The following DOCK3 variants were observed in gnomAD, a reference collection of about 807,000 sequenced individuals.
DOCK3 encodes dedicator of cytokinesis 3, also known as dedicator of cytokinesis protein 3.
A neutral mutation model predicts 265.6 loss-of-function variants in DOCK3; 60 were observed. The ratio of observed to expected loss-of-function variants is 0.23; its 90% confidence interval spans 0.18 to 0.28. The LOEUF is 0.28. Among genes scored for constraint, DOCK3 ranks in the 10% least tolerant of loss-of-function variants. The pLI, the probability that DOCK3 is intolerant of heterozygous loss-of-function variation, is 1.00. For missense variants in DOCK3, 1,981 were observed against 2,594.3 expected (o/e 0.76, Z 5.14); for synonymous variants, 881 against 938.0 (o/e 0.94, Z 1.11).
intron 3 of DOCK3, among the ~76,000 whole-genome samples, chr3:50,862,007 G>C (rs1379924686): frequency 6.6e-6 from 1 of 152,114 alleles, no homozygotes; most frequent in Non-Finnish European, 1.5e-5. Flanking sequence ...TTGTATAATT[G>C]CTTCATATGA....
intron 1 of DOCK3, among the ~76,000 whole-genome samples, chr3:50,731,708 G>T (rs1415144868): frequency 6.6e-6 from 1 of 152,094 alleles, no homozygotes; most frequent in Admixed American, 6.6e-5. Context: ...AGAATGGAAA[G>T]AACCTCCTCA....
chr3:51,225,799 G>C (rs1419052337), intron 15 of DOCK3, 26 bp downstream of exon 15: 1 of 1,601,374 alleles, frequency 6.2e-7, no homozygotes, highest in African/African-American at 1.3e-5. Context: ...CAGTCATTTG[G>C]GTTGGAGGAT....
At chr3:50,759,874 C>G (rs1208067433) in intron 1 of DOCK3, among the ~76,000 whole-genome samples, 2 of 148,022 alleles carry the variant, frequency 1.4e-5, no homozygotes, top group Admixed American at 1.4e-4. Flanking sequence ...AAAAAAAAAT[C>G]TGTTTGTTTG....
At chr3:51,293,120 A>C (rs1197710151) in intron 27 of DOCK3, among the ~76,000 whole-genome samples, 1 of 152,206 alleles carries the variant, frequency 6.6e-6, no homozygotes, top group East Asian at 1.9e-4. Flanking sequence ...AAATAGAAAA[A>C]AACAATCCTA....
chr3:50,945,348 TTAATA>T (rs986839475), intron 5 of DOCK3, among the ~76,000 whole-genome samples: 1 of 152,210 alleles, frequency 6.6e-6, no homozygotes, highest in Non-Finnish European at 1.5e-5. Context: ...GAAACATACT[TTAATA>T]TAATACTTTA....
intron 22 of DOCK3, among the ~76,000 whole-genome samples, chr3:51,256,600 T>G (rs1356561739): frequency 3.3e-5 from 5 of 150,474 alleles, no homozygotes; most frequent in South Asian, 2.1e-4. Flanking sequence ...TTTGTTTTTT[T>G]TTTTTTTTTT....
At chr3:50,894,291 A>G (rs1378014487) in intron 4 of DOCK3, among the ~76,000 whole-genome samples, 1 of 152,070 alleles carries the variant, frequency 6.6e-6, no homozygotes, top group Non-Finnish European at 1.5e-5. Flanking sequence ...AAAACCTTGT[A>G]GGCCAGAAGG....
chr3:50,880,520 A>G, intron 3 of DOCK3: 1 of 197,790 alleles, frequency 5.1e-6, no homozygotes. Flanking sequence ...TGAGCTAGAA[A>G]ATCTAGAAGA....
At chr3:51,160,329 G>C (rs1016894164) in intron 11 of DOCK3, among the ~76,000 whole-genome samples, 1 of 152,218 alleles carries the variant, frequency 6.6e-6, no homozygotes, top group Non-Finnish European at 1.5e-5. Flanking sequence ...TTTAGAGTTA[G>C]ATAAGAATGA....
At chr3:51,288,026 A>G (rs2081508238) in intron 27 of DOCK3, among the ~76,000 whole-genome samples, 1 of 152,332 alleles carries the variant, frequency 6.6e-6, no homozygotes. Context: ...TAAGTGAACT[A>G]ACACAGAAAA....
At chr3:51,042,205 TC>T (rs1261749424) in intron 5 of DOCK3, among the ~76,000 whole-genome samples, 1 of 152,098 alleles carries the variant, frequency 6.6e-6, no homozygotes, top group African/African-American at 2.4e-5. Context: ...GCAAACTGAA[TC>T]CAGCAGCACA....
chr3:50,887,861 C>G (rs1233971066), intron 3 of DOCK3, among the ~76,000 whole-genome samples: 1 of 151,550 alleles, frequency 6.6e-6, no homozygotes, highest in Non-Finnish European at 1.5e-5. Flanking sequence ...TTGAACGTAT[C>G]TCAAAATAAT....
At chr3:51,331,868 T>C (rs1311516680) in intron 33 of DOCK3, among the ~76,000 whole-genome samples, 1 of 152,240 alleles carries the variant, frequency 6.6e-6, no homozygotes, top group Non-Finnish European at 1.5e-5. Flanking sequence ...TTTTCCATGC[T>C]TGTGTGCTCA....
chr3:50,939,810 G>A (rs1220339058), intron 5 of DOCK3, among the ~76,000 whole-genome samples: 1 of 152,032 alleles, frequency 6.6e-6, no homozygotes, highest in Non-Finnish European at 1.5e-5. Flanking sequence ...ACAAGGCAAG[G>A]ATGTTAGCTC....
chr3:50,899,300 C>T (rs901603473), intron 4 of DOCK3, among the ~76,000 whole-genome samples: 6 of 152,050 alleles, frequency 3.9e-5, no homozygotes, highest in African/African-American at 1.4e-4. Context: ...GGACTGCAAC[C>T]TCTGTTTTTT....
intron 27 of DOCK3, among the ~76,000 whole-genome samples, chr3:51,288,881 TGTGG>T (rs1450754403): frequency 4.7e-5 from 7 of 149,950 alleles, no homozygotes; most frequent in African/African-American, 1.8e-4. Context: ...GGGGTGTTTG[TGTGG>T]GTGTGTGTGT....
intron 5 of DOCK3, among the ~76,000 whole-genome samples, chr3:51,054,185 AT>A (rs1254064448): frequency 1.4e-5 from 2 of 148,138 alleles, no homozygotes; most frequent in African/African-American, 4.9e-5. Context: ...AGTTTTACAT[AT>A]TTAAAATGTA....
At chr3:51,061,547 C>T (rs1311078240) in intron 5 of DOCK3, among the ~76,000 whole-genome samples, 2 of 151,712 alleles carry the variant, frequency 1.3e-5, no homozygotes, top group African/African-American at 2.4e-5. Context: ...GAACATCACA[C>T]ACCGGGGCCT....
chr3:51,139,739 T>C (rs1166331264), intron 9 of DOCK3, among the ~76,000 whole-genome samples: 2 of 152,242 alleles, frequency 1.3e-5, no homozygotes, highest in African/African-American at 4.8e-5. Context: ...AAAGGAGTAC[T>C]GCTCTTGCCA....
Sources: allele counts gnomAD v4.1 joint callset (sites outside exome capture counted in the v4.1 genomes callset), GRCh38; gene constraint gnomAD v4.1.1; transcripts MANE v1.5; gene names NCBI Gene and HGNC (gene_info 2026-07-23, HGNC 2026-07-21).